The following SORCS3 variants were observed in gnomAD, a reference collection of about 807,000 sequenced individuals.
SORCS3 encodes VPS10 domain-containing receptor SorCS3.
SORCS3 carries 57 observed loss-of-function variants against 146.3 expected under a neutral mutation model. The ratio of observed to expected loss-of-function variants is 0.39; its 90% CI spans 0.31 to 0.49. SORCS3 has a LOEUF of 0.49. Among genes scored for constraint, SORCS3 ranks in the 20% least tolerant of loss-of-function variants. The pLI is 0.92. For synonymous variants in SORCS3, 653 were observed against 618.5 expected (o/e 1.06, Z -0.83); for missense variants, 1,341 against 1,575.5 (o/e 0.85, Z 2.52).
chr10:105,164,813 G>T (rs2119520282), intron 12 of SORCS3, among the ~76,000 whole-genome samples: 1 of 152,272 alleles, frequency 6.6e-6, no homozygotes, highest in African/African-American at 2.4e-5. Flanking sequence ...GGAAGTCAGT[G>T]GTTGTTTAAG....
At chr10:104,744,502 TC>T (rs564604866) in intron 1 of SORCS3, among the ~76,000 whole-genome samples, 150 of 152,332 alleles carry the variant, frequency 9.8e-4, no homozygotes, top group Middle Eastern at 3.4e-3. Context: ...CTCACAACAA[TC>T]CTATGGAGAA....
chr10:104,822,492 A>G (rs1468983287), intron 1 of SORCS3, among the ~76,000 whole-genome samples: 1 of 152,184 alleles, frequency 6.6e-6, no homozygotes, highest in Non-Finnish European at 1.5e-5. Context: ...ATTATGTCCT[A>G]GGCTACATGA....
intron 5 of SORCS3, among the ~76,000 whole-genome samples, chr10:105,069,090 G>T (rs1224449165): frequency 6.6e-6 from 1 of 152,130 alleles, no homozygotes; most frequent in African/African-American, 2.4e-5. Context: ...GACACAGAAT[G>T]CCTTCTCATA....
At chr10:104,755,446 T>C (rs974054681) in intron 1 of SORCS3, among the ~76,000 whole-genome samples, 2 of 152,164 alleles carry the variant, frequency 1.3e-5, no homozygotes, top group African/African-American at 4.8e-5. Context: ...AGATCAGTAA[T>C]AAGATTGCAT....
At chr10:105,023,074 G>T (rs2055207373) in intron 4 of SORCS3, among the ~76,000 whole-genome samples, 1 of 152,068 alleles carries the variant, frequency 6.6e-6, no homozygotes, top group East Asian at 1.9e-4. Context: ...CTCTTCTCAG[G>T]CTCACCTTCT....
chr10:105,135,848 C>A (rs1372468961), intron 7 of SORCS3, among the ~76,000 whole-genome samples: 1 of 152,176 alleles, frequency 6.6e-6, no homozygotes, highest in African/African-American at 2.4e-5. Flanking sequence ...AACAGCATTA[C>A]CTTTACCGTC....
chr10:104,654,029 C>T (rs552605326), intron 1 of SORCS3, among the ~76,000 whole-genome samples: 2 of 152,182 alleles, frequency 1.3e-5, no homozygotes, highest in African/African-American at 4.8e-5. Context: ...TTTTTAGACG[C>T]CACAAATAAG....
intron 20 of SORCS3, 123 bp downstream of exon 20, chr10:105,223,372 G>A: frequency 2.1e-6 from 2 of 965,652 alleles, no homozygotes; most frequent in South Asian, 3.3e-5. Context: ...ATAAACCTAT[G>A]AGCCCACAAA....
chr10:104,959,414 C>T (rs1293298611), intron 3 of SORCS3, among the ~76,000 whole-genome samples: 2 of 152,094 alleles, frequency 1.3e-5, no homozygotes, highest in Non-Finnish European at 2.9e-5. Context: ...ACTCTCTCTC[C>T]TCATTACATC....
chr10:105,195,923 CATAT>C (rs1353545987), intron 14 of SORCS3, among the ~76,000 whole-genome samples: 1 of 152,126 alleles, frequency 6.6e-6, no homozygotes, highest in Non-Finnish European at 1.5e-5. Context: ...CCTGAGTGAA[CATAT>C]TAGTGTATCA....
intron 4 of SORCS3, among the ~76,000 whole-genome samples, chr10:105,028,681 C>T (rs969513159): frequency 2.0e-5 from 3 of 152,198 alleles, no homozygotes; most frequent in Admixed American, 6.5e-5. Flanking sequence ...GATAATCAAA[C>T]GTCCTCCACA....
chr10:104,851,251 C>T (rs1206820283), intron 2 of SORCS3, among the ~76,000 whole-genome samples: 1 of 152,050 alleles, frequency 6.6e-6, no homozygotes, highest in Non-Finnish European at 1.5e-5. Context: ...TTTTTTCTTC[C>T]ACTAGGCAGG....
chr10:104,766,458 G>C (rs1056892812), intron 1 of SORCS3, among the ~76,000 whole-genome samples: 1 of 152,252 alleles, frequency 6.6e-6, no homozygotes, highest in Non-Finnish European at 1.5e-5. Context: ...TTGTTTGCTT[G>C]TCTGTGTCTC....
At chr10:104,866,947 A>T (rs543770752) in intron 2 of SORCS3, among the ~76,000 whole-genome samples, 6 of 152,210 alleles carry the variant, frequency 3.9e-5, no homozygotes, top group Admixed American at 6.5e-5. Context: ...GAATACCATT[A>T]TCATAAGATG....
chr10:104,644,005 G>A (rs2015461496), intron 1 of SORCS3, among the ~76,000 whole-genome samples: 1 of 152,188 alleles, frequency 6.6e-6, no homozygotes, highest in Non-Finnish European at 1.5e-5. Context: ...AACTGTGCAT[G>A]GCCTTCTTTG....
intron 20 of SORCS3, among the ~76,000 whole-genome samples, chr10:105,234,668 G>T (rs140838841): frequency 6.6e-6 from 1 of 151,170 alleles, no homozygotes; most frequent in African/African-American, 2.4e-5. Flanking sequence ...CACATCAAAG[G>T]CATTTTTAAA....
In SORCS3 at chr10:105,158,956, C is replaced by T; in HGVS notation, c.1694C>T (p.Ser565Phe). 1 of 1,613,186 alleles carries T rather than the reference C, an allele frequency of 6.2e-7. No individual in the cohort carries two copies. Among genetic ancestry groups the T allele is most frequent in the Non-Finnish European group, 8.5e-7 (1 of 1,179,272 alleles). Residue 565 changes from serine (S) to phenylalanine (F), a missense_variant, in exon 11 of 27, where the codon TCT (serine) becomes TTT (phenylalanine). Physicochemically the swap from Ser to Phe is radical, Grantham distance 155. Transcript: ENST00000369701. ...AATCCATATTCCTCAGGAAGAATCT[C>T]TAGCAAGGAGACAGCCCCAGGACTT... ...SENPYSSGRI[S>F]SKETAPGLVV...
At chr10:104,956,941 A>G (rs2019499487) in intron 3 of SORCS3, among the ~76,000 whole-genome samples, 1 of 152,144 alleles carries the variant, frequency 6.6e-6, no homozygotes, top group Non-Finnish European at 1.5e-5. Context: ...CCGATGACAC[A>G]GCTCTGGTTG....
At chr10:105,018,453 A>C (rs899424637) in intron 4 of SORCS3, among the ~76,000 whole-genome samples, 1 of 152,146 alleles carries the variant, frequency 6.6e-6, no homozygotes, top group Non-Finnish European at 1.5e-5. Context: ...TGCAAATCAC[A>C]TGAACTAATT....
Sources: allele counts gnomAD v4.1 joint callset (sites outside exome capture counted in the v4.1 genomes callset), GRCh38; gene constraint gnomAD v4.1.1; transcripts MANE v1.5; gene names NCBI Gene and HGNC (gene_info 2026-07-23, HGNC 2026-07-21).